ETV6: variants seen among roughly 807,000 people sequenced by gnomAD.
ETV6 encodes the protein transcription factor ETV6.
Under a neutral mutation model 51.1 loss-of-function variants are expected in ETV6, and 16 were observed. The ratio of observed to expected loss-of-function variants is 0.31; its 90% CI spans 0.21 to 0.48. The LOEUF is 0.48. Among genes scored for constraint, ETV6 ranks in the 20% least tolerant of loss-of-function variants. The pLI, the probability that ETV6 is intolerant of heterozygous loss-of-function variation, is 0.99. For synonymous variants in ETV6, 240 were observed against 224.1 expected, an observed-to-expected ratio of 1.07 and a Z score of -0.64; for missense variants, 458 against 594.8, an observed-to-expected ratio of 0.77 and a Z score of 2.39.
intron 3 of ETV6, among the ~76,000 whole-genome samples, chr12:11,848,710 CT>C (rs1457444991): frequency 6.6e-6 from 1 of 152,216 alleles, no homozygotes; most frequent in Non-Finnish European, 1.5e-5. Flanking sequence ...TTCTAGAACT[CT>C]TCCCAGGGAC....
intron 1 of ETV6, among the ~76,000 whole-genome samples, chr12:11,707,600 A>G (rs965218363): frequency 2.4e-4 from 36 of 152,102 alleles, no homozygotes; most frequent in African/African-American, 8.7e-4. Flanking sequence ...TTTTCCTTTT[A>G]GTGTATGGAA....
intron 1 of ETV6, among the ~76,000 whole-genome samples, chr12:11,727,819 T>A (rs1173997582): frequency 6.6e-6 from 1 of 152,054 alleles, no homozygotes; most frequent in East Asian, 1.9e-4. Context: ...AATTTTTTTT[T>A]ATTTTTATTT....
At chr12:11,743,306 G>A (rs1451242257) in intron 1 of ETV6, among the ~76,000 whole-genome samples, 2 of 152,130 alleles carry the variant, frequency 1.3e-5, no homozygotes, top group African/African-American at 4.8e-5. Context: ...ACTCATTTGC[G>A]CTTGTTACTG....
intron 1 of ETV6, among the ~76,000 whole-genome samples, chr12:11,699,538 T>C (rs1224509996): frequency 1.3e-5 from 2 of 152,178 alleles, no homozygotes; most frequent in Non-Finnish European, 2.9e-5. Context: ...TGTGTGTGTT[T>C]CTTCTATATT....
At chr12:11,716,595 C>T (rs1484271650) in intron 1 of ETV6, 1 of 152,148 alleles carries the variant, frequency 6.6e-6, no homozygotes, top group Non-Finnish European at 1.5e-5. Flanking sequence ...AGCAATGCTC[C>T]AAGGATGCTT....
intron 1 of ETV6, among the ~76,000 whole-genome samples, chr12:11,713,625 C>T (rs1007782086): frequency 6.6e-6 from 1 of 152,148 alleles, no homozygotes; most frequent in African/African-American, 2.4e-5. Flanking sequence ...GGGGGGCTTT[C>T]CCTGAGCACC....
intron 1 of ETV6, among the ~76,000 whole-genome samples, chr12:11,730,075 C>T (rs1240412609): frequency 6.6e-6 from 1 of 152,088 alleles, no homozygotes; most frequent in Admixed American, 6.5e-5. Context: ...CTGCCAGCGT[C>T]GAGGGGTGCA....
At chr12:11,795,683 A>ACAAGCT (rs1351074995) in intron 2 of ETV6, among the ~76,000 whole-genome samples, 2 of 152,234 alleles carry the variant, frequency 1.3e-5, no homozygotes, top group Non-Finnish European at 1.5e-5. Flanking sequence ...ATTCCAGAGA[A>ACAAGCT]CAAGGTGCAG....
rs952411037 is a variant in ETV6 at position 11,874,678 on chromosome 12, ATATATG to A, written c.1009+4717_1009+4722del. Among the ~76,000 whole-genome samples, 4 of 3,296 alleles carry A rather than the reference ATATATG, an allele frequency of 1.2e-3. 1 individual carries two copies. Among genetic ancestry groups the A allele is most frequent in the African/African-American group, 1.3e-3 (4 of 3,064 alleles). 2.2% of individuals were successfully genotyped at this position (3,296 alleles called of 152,430 possible). ...TGTGTGTATATGTATATATGTGTGT[ATATATG>A]TATATGTGTGTATATATGTATATAT... On this transcript the variant is annotated intron_variant, in intron 5 of 7. Coordinates refer to ENST00000396373, the MANE Select transcript of ETV6 (RefSeq NM_001987.5).
intron 2 of ETV6, among the ~76,000 whole-genome samples, chr12:11,789,499 G>C (rs10845411): frequency 0.92 from 139,736 of 152,180 alleles, 64,221 homozygotes; most frequent in African/African-American, 0.95. Flanking sequence ...TATGACCTTT[G>C]TTCACTTTTT....
intron 1 of ETV6, among the ~76,000 whole-genome samples, chr12:11,655,331 C>A (rs572358074): frequency 3.9e-5 from 6 of 152,250 alleles, no homozygotes; most frequent in Admixed American, 2.6e-4. Context: ...GGGAACCAAT[C>A]TCCGTGTGTA....
At chr12:11,782,752 A>G (rs933202867) in intron 2 of ETV6, among the ~76,000 whole-genome samples, 4 of 152,252 alleles carry the variant, frequency 2.6e-5, no homozygotes, top group Non-Finnish European at 5.9e-5. Flanking sequence ...ATTTAGAACT[A>G]TAACACCTTG....
chr12:11,751,491 T>C, intron 1 of ETV6: 1 of 516,850 alleles, frequency 1.9e-6, no homozygotes, highest in Non-Finnish European at 3.9e-6. Context: ...AGTTGGCATG[T>C]TGATCTAAGC....
intron 2 of ETV6, among the ~76,000 whole-genome samples, chr12:11,757,588 G>A (rs1042896774): frequency 3.9e-5 from 6 of 152,210 alleles, no homozygotes; most frequent in Non-Finnish European, 5.9e-5. Context: ...CCGTGTCTCC[G>A]ATAGGTCAAC....
At chr12:11,764,824 ATGTAT>A in intron 2 of ETV6, among the ~76,000 whole-genome samples, 1 of 152,282 alleles carries the variant, frequency 6.6e-6, no homozygotes. Context: ...CGCTTTTCAC[ATGTAT>A]TGTATCATTT....
intron 1 of ETV6, among the ~76,000 whole-genome samples, chr12:11,731,955 C>T (rs1865608189): frequency 6.6e-6 from 1 of 152,238 alleles, no homozygotes; most frequent in South Asian, 2.1e-4. Context: ...CTGAAAACCC[C>T]ACATCCCCGG....
At chr12:11,819,093 G>A (rs1462479123) in intron 2 of ETV6, among the ~76,000 whole-genome samples, 1 of 152,122 alleles carries the variant, frequency 6.6e-6, no homozygotes, top group Non-Finnish European at 1.5e-5. Context: ...AGCCCACTTG[G>A]ATTGCACATC....
intron 1 of ETV6, among the ~76,000 whole-genome samples, chr12:11,672,101 G>A (rs1864329649): frequency 6.6e-6 from 1 of 151,934 alleles, no homozygotes; most frequent in Non-Finnish European, 1.5e-5. Flanking sequence ...CTCCAGTGGG[G>A]TGTTTCCAGG....
chr12:11,722,568 A>G (rs941829180), intron 1 of ETV6, among the ~76,000 whole-genome samples: 3 of 152,188 alleles, frequency 2.0e-5, no homozygotes, highest in Non-Finnish European at 4.4e-5. Context: ...AAACTATTCT[A>G]AGAATATTCA....
Sources: allele counts gnomAD v4.1 joint callset (sites outside exome capture counted in the v4.1 genomes callset), GRCh38; gene constraint gnomAD v4.1.1; transcripts MANE v1.5; gene names NCBI Gene and HGNC (gene_info 2026-07-23, HGNC 2026-07-21).